SGO2: variants seen among roughly 807,000 people sequenced by gnomAD.
SGO2 encodes the protein shugoshin-like 2.
In SGO2, 68 loss-of-function variants were observed where a neutral mutation model predicts 99.5. The observed-to-expected ratio is 0.68, with a 90% CI of 0.56 to 0.84. The LOEUF (loss-of-function observed/expected upper bound fraction) is 0.84, where lower values mean the gene tolerates loss of function less well. Ranked by LOEUF, SGO2 falls within the 40% of genes least tolerant of loss-of-function variation. The probability of loss-of-function intolerance (pLI) is 0.00; values close to 1 mark genes in which losing one functional copy is unlikely to be tolerated. For missense variants in SGO2, 1,350 were observed against 1,436.7 expected (o/e 0.94, Z 0.97); for synonymous variants, 457 against 487.1 (o/e 0.94, Z 0.81).
At chr2:200,576,922 C>T (rs561549557) in intron 8 of SGO2, among the ~76,000 whole-genome samples, 2 of 151,884 alleles carry the variant, frequency 1.3e-5, no homozygotes, top group African/African-American at 2.4e-5. Context: ...AGATGTACCA[C>T]ATTTTGTTCA....
At chr2:200,536,921 CT>C (rs1388790230) in intron 4 of SGO2, among the ~76,000 whole-genome samples, 1 of 152,174 alleles carries the variant, frequency 6.6e-6, no homozygotes, top group East Asian at 1.9e-4. Flanking sequence ...CTCCTTGTAC[CT>C]CATGCAGGTG....
At chr2:200,578,959 TA>T (rs1350756483) in intron 8 of SGO2, among the ~76,000 whole-genome samples, 3 of 152,156 alleles carry the variant, frequency 2.0e-5, no homozygotes, top group Admixed American at 6.5e-5. Flanking sequence ...ATTTCTCTTT[TA>T]TGGGAGGCTG....
rs774187152 is a variant in SGO2, at chr2:200,532,982, T to C, written c.7T>C (p.Cys3Arg). 1 of 1,608,000 alleles carries C rather than the reference T, an allele frequency of 6.2e-7. No individual in the cohort carries two copies. Among genetic ancestry groups the C allele is most frequent in the Non-Finnish European group, 8.5e-7 (1 of 1,178,508 alleles). Residue 3 changes from cysteine to arginine, a missense_variant, in exon 2 of 9, where the codon TGC becomes CGC. Physicochemically the swap from Cys to Arg is radical, Grantham distance 180 (BLOSUM62 -3). Transcript: ENST00000357799. ...TTTTTCTTTCACTTCAGTGATGGAG[T>C]GCCCAGTGATGGAAACTGGCTCACT... Reference protein sequence around the residue: MECPVMETGSLFT... With the variant: MERPVMETGSLFT...
At chr2:200,579,593 C>T (rs1258433347) in intron 8 of SGO2, among the ~76,000 whole-genome samples, 1 of 152,144 alleles carries the variant, frequency 6.6e-6, no homozygotes, top group East Asian at 1.9e-4. Context: ...TTGTCAAAGG[C>T]TTGTTCAGCA....
In SGO2 at chr2:200,528,825, G is replaced by A. The variant is rs933829465; in HGVS notation, c.-3+2573G>A. On this transcript the variant is annotated intron_variant, in intron 1 of 8. Transcript: ENST00000357799. ...TGAAGAATAACCAGCAAGAGGGACT[G>A]AGAAGTGGTCAGCGAGGCAGGAGAA... 6.6e-5 allele frequency among the ~76,000 whole-genome samples: 10 copies of A among 152,200 alleles called. No individual in the cohort carries two copies. In the South Asian group the frequency reaches 2.1e-3, roughly 32 times the overall value.
intron 8 of SGO2, 62 bp downstream of exon 8, chr2:200,575,523 CTGAA>C: frequency 7.9e-7 from 1 of 1,268,210 alleles, no homozygotes; most frequent in Non-Finnish European, 1.1e-6. Context: ...AAATTTCTGC[CTGAA>C]TTAGTATTTG....
At chr2:200,529,600 C>T (rs1260448022) in intron 1 of SGO2, among the ~76,000 whole-genome samples, 1 of 152,214 alleles carries the variant, frequency 6.6e-6, no homozygotes, top group East Asian at 1.9e-4. Context: ...TCACTCAGCT[C>T]ACTGCAGCCT....
At chr2:200,537,644 AG>A (rs1223813562) in intron 4 of SGO2, among the ~76,000 whole-genome samples, 2 of 152,088 alleles carry the variant, frequency 1.3e-5, no homozygotes, top group African/African-American at 2.4e-5. Context: ...CTTATGACTC[AG>A]TTCTTGGACT....
In SGO2 at chr2:200,572,149, C is replaced by T. The variant is rs747385295; in HGVS notation, c.1803C>T (p.Pro601=). 1 of 1,612,440 alleles carries T rather than the reference C, an allele frequency of 6.2e-7. No individual in the cohort carries two copies. Among genetic ancestry groups the T allele is most frequent in the Non-Finnish European group, 8.5e-7 (1 of 1,179,402 alleles). ...AAAAGTATGTCACTGATATTCAACCCTCAGAGCAAAATGAATCAAACATTA... is the reference window on the plus strand; with the variant it reads ...AAAAGTATGTCACTGATATTCAACCTTCAGAGCAAAATGAATCAAACATTA... ...DLKKYVTDIQ[P]SEQNESNINK... Residue 601 remains proline, a synonymous_variant, in exon 7 of 9, where the codon CCC becomes CCT. Coordinates refer to ENST00000357799, the MANE Select transcript of SGO2 (RefSeq NM_152524.6).
Position 200,572,446 on chromosome 2 carries a change from C to T in SGO2, c.2100C>T (p.Pro700=), listed in dbSNP as rs769434402. Residue 700 remains proline (P), a synonymous_variant, in exon 7 of 9, where the codon CCC becomes CCT. Transcript: ENST00000357799. ...GLQKQITNMY[P]VQQNESKVNK... is the part of the protein sequence containing the mutation. ...AAAAGCAGATCACCAATATGTACCC[C>T]GTTCAGCAAAATGAATCAAAAGTTA... 16 of 1,612,992 alleles carry T rather than the reference C, an allele frequency of 9.9e-6. No individual in the cohort carries two copies. The highest frequency in any genetic ancestry group is 1.6e-4 in the Middle Eastern group (1 of 6,084).
At chr2:200,542,225 A>C (rs1384427180) in intron 4 of SGO2, among the ~76,000 whole-genome samples, 6 of 152,200 alleles carry the variant, frequency 3.9e-5, no homozygotes, top group Non-Finnish European at 8.8e-5. Context: ...AAAGCCATTT[A>C]AAAGATGTAT....
At chr2:200,564,267 T>G (rs1176407230) in intron 5 of SGO2, among the ~76,000 whole-genome samples, 1 of 152,228 alleles carries the variant, frequency 6.6e-6, no homozygotes, top group African/African-American at 2.4e-5. Context: ...TGTGCCTTTG[T>G]TGTCATTGGT....
chr2:200,571,624 G>A lies in SGO2; in HGVS notation c.1278G>A (p.Gly426=). The A allele has an allele frequency of 6.2e-7, 1 of 1,612,914 alleles. No homozygotes were observed. Among genetic ancestry groups the A allele is most frequent in the Non-Finnish European group, 8.5e-7 (1 of 1,179,556 alleles). Residue 426 remains glycine (G), a synonymous_variant, in exon 7 of 9, where the codon GGG becomes GGA. Transcript: ENST00000357799. ...AAAATAGTTCAGATGTCGATATTGG[G>A]GAAAAGATTGAAAACAGGACAGAAA... The part of the protein sequence containing the change: ...QFKNSSDVDI[G]EKIENRTERS...
Position 200,572,315 on chromosome 2 carries a change from A to G in SGO2, c.1969A>G (p.Ile657Val), listed in dbSNP as rs746431740. 1 of 1,609,092 alleles carries G rather than the reference A, an allele frequency of 6.2e-7. No homozygotes were observed. The highest frequency in any genetic ancestry group is 1.1e-5 in the South Asian group (1 of 89,508). ...FFKTQEDKEP[I>V]SENIEVSKEL... is the part of the protein sequence containing the mutation. ...CAAAACCCAAGAGGATAAAGAACCT[A>G]TCTCTGAAAACATAGAAGTTTCCAA... Residue 657 changes from isoleucine to valine, a missense_variant, in exon 7 of 9, where the codon ATC becomes GTC. Ile to Val is a conservative substitution (Grantham distance 29). Coordinates refer to ENST00000357799, the MANE Select transcript of SGO2 (RefSeq NM_152524.6).
At chr2:200,545,507 G>A (rs1394428836) in intron 5 of SGO2, among the ~76,000 whole-genome samples, 1 of 152,008 alleles carries the variant, frequency 6.6e-6, no homozygotes, top group Admixed American at 6.6e-5. Flanking sequence ...AAACGGCAGT[G>A]TAAGATAAGC....
chr2:200,549,917 G>T lies in SGO2; in HGVS notation c.473+7253G>T, dbSNP rs1251935277. Among the ~76,000 whole-genome samples the T allele has an allele frequency of 2.0e-5, 3 of 152,152 alleles. No individual in the cohort carries two copies. In the East Asian group the frequency reaches 5.8e-4, roughly 29 times the overall value. ...AAATAAAGGGCATCCACATTGGAAAGGAAGAAGTCAAATTAGCCTTGTTTG... is the reference window on the plus strand; with the variant it reads ...AAATAAAGGGCATCCACATTGGAAATGAAGAAGTCAAATTAGCCTTGTTTG... On this transcript the variant is annotated intron_variant, in intron 5 of 8. Coordinates refer to ENST00000357799, the MANE Select transcript of SGO2 (RefSeq NM_152524.6).
In SGO2 at chr2:200,573,543, A is replaced by G. The variant is rs143703632; in HGVS notation, c.3197A>G (p.Glu1066Gly). 4.3e-3 allele frequency: 6,907 copies of G among 1,609,512 alleles called. 26 individuals are homozygous for G. The highest frequency in any genetic ancestry group is 4.9e-3 in the Non-Finnish European group (5,813 of 1,178,600). The change falls in exon 7 of 9, where the codon GAG (glutamate) becomes GGG (glycine). Residue 1066 changes from glutamate (E) to glycine (G), a missense_variant. Coordinates refer to ENST00000357799, the MANE Select transcript of SGO2 (RefSeq NM_152524.6). ...TTTGTGGAAGAAATAAAAGAAGGAG[A>G]GTGTCAGGTTAAAAAGGTAAATAAA... ...LPFVEEIKEG[E>G]CQVKKVNKMT...
rs547510459 is a variant in SGO2 at position 200,562,451 on chromosome 2, T to C, written c.474-7212T>C. Among the ~76,000 whole-genome samples, 167 of 151,912 alleles carry C rather than the reference T, an allele frequency of 1.1e-3. 1 individual carries two copies. Among genetic ancestry groups the C allele is most frequent in the African/African-American group, 3.9e-3 (161 of 41,162 alleles). On this transcript the variant is annotated intron_variant, in intron 5 of 8. Transcript: ENST00000357799. ...TGGTACCAGTACCATGCTGTTTTGGTTGCTGTAGCCTTGTAGTATTGTTTG... is the reference window on the plus strand; with the variant it reads ...TGGTACCAGTACCATGCTGTTTTGGCTGCTGTAGCCTTGTAGTATTGTTTG...
intron 8 of SGO2, among the ~76,000 whole-genome samples, chr2:200,581,792 C>T (rs544167256): frequency 7.9e-5 from 12 of 152,310 alleles, no homozygotes; most frequent in African/African-American, 2.9e-4. Flanking sequence ...TATAGCAAAT[C>T]ATCTGCATGC....
Sources: gnomAD v4.1 joint callset for allele counts (sites outside exome capture counted in the v4.1 genomes callset) on GRCh38, gnomAD v4.1.1 for gene constraint, MANE v1.5 for transcripts, NCBI Gene and HGNC (gene_info 2026-07-23, HGNC 2026-07-21) for gene names.